The following PTPRB variants were observed in gnomAD, a reference collection of about 807,000 sequenced individuals.
The protein encoded by PTPRB is protein tyrosine phosphatase receptor type B.
A neutral mutation model predicts 238.1 loss-of-function variants in PTPRB; 97 were observed. That is an observed-to-expected ratio of 0.41 (90% CI 0.35 to 0.48). PTPRB has a LOEUF of 0.48. Among genes scored for constraint, PTPRB ranks in the 20% least tolerant of loss-of-function variants. The pLI is 0.30. For synonymous variants in PTPRB, 970 were observed against 995.4 expected, an observed-to-expected ratio of 0.97 and a Z score of 0.48; for missense variants, 2,292 against 2,681.9, an observed-to-expected ratio of 0.85 and a Z score of 3.21.
At chr12:70,635,601 C>T in intron 2 of PTPRB, 70 bp downstream of exon 2, 1 of 1,507,088 alleles carries the variant, frequency 6.6e-7, no homozygotes, top group Non-Finnish European at 8.9e-7. Context: ...AACAAACAAA[C>T]AAACAAACAA....
intron 20 of PTPRB, among the ~76,000 whole-genome samples, chr12:70,554,763 T>C (rs1268183276): frequency 6.6e-6 from 1 of 152,202 alleles, no homozygotes; most frequent in East Asian, 1.9e-4. Context: ...AGTTGAGGCA[T>C]ATTAATGTTT....
At chr12:70,604,920 G>A (rs1301117820) in intron 4 of PTPRB, among the ~76,000 whole-genome samples, 2 of 152,158 alleles carry the variant, frequency 1.3e-5, no homozygotes, top group South Asian at 2.1e-4. Context: ...CCAGGATTGT[G>A]AGAAAATAAA....
At chr12:70,634,657 C>T (rs1885602409) in intron 2 of PTPRB, among the ~76,000 whole-genome samples, 1 of 152,150 alleles carries the variant, frequency 6.6e-6, no homozygotes, top group Admixed American at 6.5e-5. Context: ...TGGGGCAAGT[C>T]TGTGGTCAAG....
Position 70,590,048 on chromosome 12 carries a change from G to GC in PTPRB, c.1965dup (p.Leu656AlafsTer8), listed in dbSNP as rs1184807246. 6.2e-7 allele frequency: 1 copy of GC among 1,613,770 alleles called. No individual in the cohort carries two copies. Among genetic ancestry groups the GC allele is most frequent in the East Asian group, 2.2e-5 (1 of 44,890 alleles). ...ACCTCATACTGTCTTCCCGGTACGA[G>GC]CCCCGTGTCATCCATGACATACTGT... is the stretch of plus-strand genomic sequence containing the variant. On this transcript the variant is annotated frameshift_variant, in exon 8 of 34. Transcript: ENST00000334414. LOFTEE classifies it high-confidence loss of function.
chr12:70,625,482 G>C (rs1225471438), intron 2 of PTPRB, among the ~76,000 whole-genome samples: 2 of 151,544 alleles, frequency 1.3e-5, no homozygotes, highest in African/African-American at 4.8e-5. Flanking sequence ...TTTCTTATGT[G>C]GTTACTGAAG....
At chr12:70,552,061 A>T (rs1213030706) in intron 21 of PTPRB, among the ~76,000 whole-genome samples, 1 of 152,204 alleles carries the variant, frequency 6.6e-6, no homozygotes, top group African/African-American at 2.4e-5. Flanking sequence ...ATAAGTGAGT[A>T]TAATTTCAGT....
intron 28 of PTPRB, among the ~76,000 whole-genome samples, chr12:70,537,039 C>T (rs1419760835): frequency 6.6e-6 from 1 of 152,152 alleles, no homozygotes; most frequent in Admixed American, 6.5e-5. Flanking sequence ...AATCCCAGCA[C>T]TTTGGGAGGC....
chr12:70,538,420 C>A, intron 27 of PTPRB, 189 bp from the exon 28 acceptor site: 1 of 546,258 alleles, frequency 1.8e-6, no homozygotes, highest in East Asian at 3.0e-5. Context: ...TATAACCAGT[C>A]AGACACAGGA....
intron 2 of PTPRB, among the ~76,000 whole-genome samples, chr12:70,631,681 A>G: frequency 6.6e-6 from 1 of 152,120 alleles, no homozygotes; most frequent in Non-Finnish European, 1.5e-5. Flanking sequence ...ATCTACCCAT[A>G]TGACAAAGGG....
chr12:70,593,594 C>T (rs958501552), intron 6 of PTPRB, among the ~76,000 whole-genome samples: 2 of 149,460 alleles, frequency 1.3e-5, no homozygotes, highest in African/African-American at 4.9e-5. Context: ...GCAATTTGCT[C>T]TTGATGTACA....
chr12:70,576,761 G>A (rs1880823975), intron 10 of PTPRB, 116 bp from the exon 11 acceptor site: 6 of 631,096 alleles, frequency 9.5e-6, no homozygotes, highest in Non-Finnish European at 1.7e-5. Flanking sequence ...GACTCACTCA[G>A]GAGATCTAAT....
chr12:70,540,893 A>G lies in PTPRB; in HGVS notation c.5559T>C (p.Ala1853=). ...AGLFLIGMLV[A]VVALLICRQK... ...GTCTGCAGATCAATAAGGCAACAACAGCCACTAGCATGCCAATTAAAAACA... is the reference window on the plus strand; with the variant it reads ...GTCTGCAGATCAATAAGGCAACAACGGCCACTAGCATGCCAATTAAAAACA... Residue 1853 remains alanine, a synonymous_variant, in exon 23 of 34, where the codon GCT becomes GCC. Coordinates refer to ENST00000334414, the MANE Select transcript of PTPRB (RefSeq NM_001109754.4). 4 of 1,606,298 alleles carry G rather than the reference A, an allele frequency of 2.5e-6. No homozygotes were observed. In the African/African-American group the frequency reaches 5.3e-5, roughly 21 times the overall value.
intron 33 of PTPRB, 119 bp downstream of exon 33, chr12:70,524,352 T>C (rs1278829350): frequency 2.7e-6 from 3 of 1,130,308 alleles, no homozygotes; most frequent in Non-Finnish European, 3.7e-6. Context: ...TAGGCTCAAG[T>C]GATCCTCCTG....
Position 70,571,287 on chromosome 12 carries a change from G to C in PTPRB, c.3109C>G (p.Pro1037Ala), listed in dbSNP as rs773188906. The change falls in exon 13 of 34, where the codon CCA becomes GCA. Residue 1037 changes from proline (P) to alanine (A), a missense_variant and splice_region_variant. Pro to Ala is a conservative substitution (Grantham distance 27). This residue lies in a region of PTPRB where 1,205 missense variants were observed against 1,287.8 expected (regional missense o/e 0.94). Coordinates refer to ENST00000334414, the MANE Select transcript of PTPRB (RefSeq NM_001109754.4). The part of the protein sequence containing the change: ...ANEQGNGRTI[P>A]EPVKDLTLRN... Reference sequence around the variant, plus strand: ...AATGTTAGATCCTTAACAGGCTCTGGAACTAGGGAGAAAAATGAGAAGACA... The same window carrying C: ...AATGTTAGATCCTTAACAGGCTCTGCAACTAGGGAGAAAAATGAGAAGACA... 1 of 1,587,488 alleles carries C rather than the reference G, an allele frequency of 6.3e-7. No individual in the cohort carries two copies. The highest frequency in any genetic ancestry group is 8.6e-7 in the Non-Finnish European group (1 of 1,156,852).
chr12:70,614,658 T>G (rs1302121467), intron 3 of PTPRB, among the ~76,000 whole-genome samples: 1 of 152,058 alleles, frequency 6.6e-6, no homozygotes, highest in Non-Finnish European at 1.5e-5. Context: ...TTGATACCTT[T>G]CCTCCTAGGA....
At chr12:70,580,941 G>A in intron 10 of PTPRB, 95 bp downstream of exon 10, 6 of 1,373,422 alleles carry the variant, frequency 4.4e-6, no homozygotes, top group Non-Finnish European at 4.9e-6. Flanking sequence ...GGCCAGGGAT[G>A]AGTCTGATTT....
intron 4 of PTPRB, 152 bp downstream of exon 4, chr12:70,608,917 G>T: frequency 1.7e-6 from 2 of 1,150,110 alleles, no homozygotes; most frequent in Non-Finnish European, 2.4e-6. Flanking sequence ...GGCTAGATCC[G>T]AGGAAACCAG....
chr12:70,623,925 A>G (rs1467629635), intron 2 of PTPRB, among the ~76,000 whole-genome samples: 2 of 152,142 alleles, frequency 1.3e-5, no homozygotes, highest in Non-Finnish European at 2.9e-5. Flanking sequence ...TAATGGATGT[A>G]AAGAGGAGGG....
At chr12:70,577,432 G>A (rs1246887058) in intron 10 of PTPRB, among the ~76,000 whole-genome samples, 3 of 152,200 alleles carry the variant, frequency 2.0e-5, no homozygotes, top group Non-Finnish European at 4.4e-5. Flanking sequence ...ATGTCTTCAA[G>A]AAGTTCTCTG....
Sources: gnomAD v4.1 joint callset for allele counts (sites outside exome capture counted in the v4.1 genomes callset) on GRCh38, gnomAD v4.1.1 for gene constraint, gnomAD v4.1.1 regional missense constraint, MANE v1.5 for transcripts, NCBI Gene and HGNC (gene_info 2026-07-23, HGNC 2026-07-21) for gene names.